The following PEX5L variants were observed in gnomAD, a reference collection of about 807,000 sequenced individuals.
The protein encoded by PEX5L is peroxisomal biogenesis factor 5 like.
In PEX5L, 30 loss-of-function variants were observed where a neutral mutation model predicts 84.0. That is an observed-to-expected ratio of 0.36 (90% CI 0.27 to 0.48). PEX5L has a LOEUF of 0.48. Ranked by LOEUF, PEX5L falls within the 20% of genes least tolerant of loss-of-function variation. The pLI, the probability that PEX5L is intolerant of heterozygous loss-of-function variation, is 0.99. For missense variants in PEX5L, 533 were observed against 754.6 expected (o/e 0.71, Z 3.44); for synonymous variants, 270 against 283.1 (o/e 0.95, Z 0.46).
At position 179,944,990 on chromosome 3, in the gene PEX5L, G is replaced by T. The variant is rs146716947; in HGVS notation, c.93+26604C>A. 3.8e-3 allele frequency among the ~76,000 whole-genome samples: 585 copies of T among 152,326 alleles called. 3 individuals are homozygous for T. Among genetic ancestry groups the T allele is most frequent in the Middle Eastern group, 0.017 (5 of 294 alleles). ...TATGTTTATTTCTTGATAGCAGGTT[G>T]TCATGCTGATTTCAAAGTTACATTT... On this transcript the variant is annotated intron_variant, in intron 2 of 14. Transcript: ENST00000467460.
At chr3:179,831,805 G>A (rs892965727) in intron 8 of PEX5L, among the ~76,000 whole-genome samples, 1 of 152,194 alleles carries the variant, frequency 6.6e-6, no homozygotes, top group African/African-American at 2.4e-5. Flanking sequence ...ATATGTAAAA[G>A]CTAGGAGAAG....
intron 2 of PEX5L, chr3:179,900,659 A>G (rs1300572672): frequency 6.5e-7 from 1 of 1,528,600 alleles, no homozygotes; most frequent in Admixed American, 2.0e-5. Flanking sequence ...TTTCTTGCAG[A>G]AAAAACCCAC....
rs148495757 is a variant in PEX5L at position 180,024,347 on chromosome 3, AAT to A, written c.21+12230_21+12231del. Among the ~76,000 whole-genome samples, 666 of 107,604 alleles carry A rather than the reference AAT, an allele frequency of 6.2e-3. 24 individuals are homozygous for A. The highest frequency in any genetic ancestry group is 0.047 in the Admixed American group (507 of 10,696). The allele number at this position is 107,604 out of a possible 152,430, so 70.6% of individuals were successfully genotyped here. ...ACACTGTGAAACCCCGTCCCTACTA[AAT>A]ATATATATATATATATATATATATA... On this transcript the variant is annotated intron_variant, in intron 1 of 14. Transcript: ENST00000467460.
chr3:179,812,795 A>T (rs1452574860), intron 10 of PEX5L, among the ~76,000 whole-genome samples: 2 of 151,434 alleles, frequency 1.3e-5, no homozygotes, highest in African/African-American at 2.4e-5. Flanking sequence ...GTGGAGGTAT[A>T]TTAGGGTCTT....
At chr3:180,028,575 A>C (rs1275405687) in intron 1 of PEX5L, among the ~76,000 whole-genome samples, 1 of 152,230 alleles carries the variant, frequency 6.6e-6, no homozygotes, top group Non-Finnish European at 1.5e-5. Flanking sequence ...GTCTTAAAAT[A>C]GAGAATTATG....
chr3:180,020,693 TA>T lies in PEX5L; in HGVS notation c.21+15885del, dbSNP rs1331566270. Among the ~76,000 whole-genome samples, 5 of 151,984 alleles carry T rather than the reference TA, an allele frequency of 3.3e-5. No homozygotes were observed. The South Asian group carries it at 6.3e-4, about 19-fold the overall frequency. The stretch of plus-strand genomic sequence containing the variant: ...TTTCTTTTGTTCTTCACACTTGCCT[TA>T]AAAAAAATCAGACAGGAATTTGAAT... On this transcript the variant is annotated intron_variant, in intron 1 of 14. Transcript: ENST00000467460.
rs376209700 is a variant in PEX5L at position 179,879,946 on chromosome 3, G to A, written c.488C>T (p.Thr163Ile). 1 of 1,591,160 alleles carries A rather than the reference G, an allele frequency of 6.3e-7. No individual in the cohort carries two copies. The highest frequency in any genetic ancestry group is 1.4e-5 in the African/African-American group (1 of 73,722). ...TGCCTTACCTAGATCTAAGGATGAAGTCTCCGGGACTCTGAGAGGCTGGCC... is the reference window on the plus strand; with the variant it reads ...TGCCTTACCTAGATCTAAGGATGAAATCTCCGGGACTCTGAGAGGCTGGCC... ...QRGQPLRVPETSSLDLDIQTQ... is the reference protein window; with the variant it reads ...QRGQPLRVPEISSLDLDIQTQ... Residue 163 changes from threonine to isoleucine, a missense_variant, in exon 5 of 15, where the codon ACT becomes ATT. Coordinates refer to ENST00000467460, the MANE Select transcript of PEX5L (RefSeq NM_016559.3).
intron 1 of PEX5L, among the ~76,000 whole-genome samples, chr3:180,027,002 G>C (rs567920308): frequency 6.6e-6 from 1 of 152,100 alleles, no homozygotes; most frequent in African/African-American, 2.4e-5. Flanking sequence ...CCAATCAGCC[G>C]TATCTGCCCT....
chr3:179,887,689 T>C lies in PEX5L; in HGVS notation c.294A>G (p.Val98=). 1 of 1,608,246 alleles carries C rather than the reference T, an allele frequency of 6.2e-7. No homozygotes were observed. The highest frequency in any genetic ancestry group is 8.5e-7 in the Non-Finnish European group (1 of 1,174,600). The change falls in exon 4 of 15, where the codon GTA becomes GTG. Residue 98 remains valine (V), a synonymous_variant. Transcript: ENST00000467460. ...GAGAATTACCAGCTGTATTGGATGT[T>C]ACTGGCCTTGCTATTGCTTCCGATT... The part of the protein sequence containing the change: ...ETKSEAIARP[V]TSNTAVLTTG...
Position 179,880,025 on chromosome 3 carries a change from G to A in PEX5L, c.409C>T (p.Leu137Phe). Residue 137 changes from leucine to phenylalanine, a missense_variant, in exon 5 of 15, where the codon CTC (leucine) becomes TTC (phenylalanine). This residue lies in a region of PEX5L where 259 missense variants were observed against 301.7 expected (regional missense o/e 0.86). Transcript: ENST00000467460. The stretch of plus-strand genomic sequence containing the variant: ...TCAGATCCATCGGCCTTTTTCTTGA[G>A]GGATGAGGTTTTTGATGAGGGCTCT... ...KSEPSSKTSSLKKKADGSDLI... is the reference protein window; with the variant it reads ...KSEPSSKTSSFKKKADGSDLI... 1 of 1,614,000 alleles carries A rather than the reference G, an allele frequency of 6.2e-7. No individual in the cohort carries two copies. The highest frequency in any genetic ancestry group is 8.5e-7 in the Non-Finnish European group (1 of 1,179,916).
intron 3 of PEX5L, among the ~76,000 whole-genome samples, chr3:179,889,601 T>C (rs578105383): frequency 6.6e-6 from 1 of 152,318 alleles, no homozygotes; most frequent in East Asian, 1.9e-4. Flanking sequence ...TTACTATGTA[T>C]AAAACCTCGC....
At chr3:179,827,633 T>C (rs1175833434) in intron 8 of PEX5L, among the ~76,000 whole-genome samples, 2 of 152,150 alleles carry the variant, frequency 1.3e-5, no homozygotes, top group East Asian at 1.9e-4. Context: ...CTTTTACTAC[T>C]TTAGGCCAGA....
chr3:179,869,176 C>T (rs192486693), intron 7 of PEX5L, among the ~76,000 whole-genome samples: 4 of 152,226 alleles, frequency 2.6e-5, no homozygotes, highest in Admixed American at 2.6e-4. Flanking sequence ...AAAATCTAAC[C>T]GAGGTCTGCA....
intron 8 of PEX5L, among the ~76,000 whole-genome samples, chr3:179,823,329 A>G (rs1162770937): frequency 2.0e-5 from 3 of 152,176 alleles, no homozygotes; most frequent in Non-Finnish European, 4.4e-5. Context: ...GTTACGCAGC[A>G]ATTAAAATGA....
intron 1 of PEX5L, among the ~76,000 whole-genome samples, chr3:179,985,536 C>A (rs1167472345): frequency 6.6e-6 from 1 of 151,962 alleles, no homozygotes; most frequent in Non-Finnish European, 1.5e-5. Context: ...TGGTTCAAAC[C>A]AGCTTTGAGT....
At chr3:179,995,117 C>CTA (rs985402198) in intron 1 of PEX5L, among the ~76,000 whole-genome samples, 3 of 145,472 alleles carry the variant, frequency 2.1e-5, no homozygotes, top group Admixed American at 1.4e-4. Flanking sequence ...ACTATATATA[C>CTA]TATATATATA....
intron 13 of PEX5L, 124 bp downstream of exon 13, chr3:179,808,148 C>T: frequency 1.4e-6 from 1 of 705,176 alleles, no homozygotes; most frequent in Admixed American, 3.3e-5. Flanking sequence ...ATTATTAGTA[C>T]CCATCACTTT....
intron 1 of PEX5L, among the ~76,000 whole-genome samples, chr3:180,017,397 A>G (rs1467449720): frequency 1.3e-5 from 2 of 152,202 alleles, no homozygotes; most frequent in Non-Finnish European, 2.9e-5. Flanking sequence ...TCTCTTATAC[A>G]TTCCTAAAAT....
intron 1 of PEX5L, among the ~76,000 whole-genome samples, chr3:180,035,599 T>A (rs1371735090): frequency 6.6e-6 from 1 of 152,172 alleles, no homozygotes; most frequent in African/African-American, 2.4e-5. Context: ...AAGTCATAAA[T>A]ATAACAACAT....
Sources: allele counts gnomAD v4.1 joint callset (sites outside exome capture counted in the v4.1 genomes callset), GRCh38; gene constraint gnomAD v4.1.1; regional missense constraint gnomAD v4.1.1; transcripts MANE v1.5; gene names NCBI Gene and HGNC (gene_info 2026-07-23, HGNC 2026-07-21).